The following MINDY2 variants were observed in gnomAD, a reference collection of about 807,000 sequenced individuals.
MINDY2 encodes MINDY lysine 48 deubiquitinase 2.
MINDY2 carries 52 observed loss-of-function variants against 68.2 expected under a neutral mutation model. That is an observed-to-expected ratio of 0.76 (90% confidence interval 0.61 to 0.96). The LOEUF is 0.96. MINDY2 is among the 40% of genes least tolerant of loss of function. The pLI is 0.00. For missense variants in MINDY2, 881 were observed against 773.4 expected, an observed-to-expected ratio of 1.14 and a Z score of -1.65; for synonymous variants, 372 against 303.0, an observed-to-expected ratio of 1.23 and a Z score of -2.36.
At chr15:58,814,210 G>A (rs1462286512) in intron 4 of MINDY2, among the ~76,000 whole-genome samples, 1 of 152,104 alleles carries the variant, frequency 6.6e-6, no homozygotes, top group Non-Finnish European at 1.5e-5. Flanking sequence ...AGAGTGCTGC[G>A]ATTACAGGCG....
chr15:58,787,140 C>CTT (rs58374538), intron 1 of MINDY2, among the ~76,000 whole-genome samples: 18,677 of 78,148 alleles, frequency 0.24, 3,565 homozygotes, highest in East Asian at 0.55. Flanking sequence ...CATTTCTTTA[C>CTT]TTTTTTTTTT....
chr15:58,772,347 C>G, intron 1 of MINDY2, 112 bp downstream of exon 1: 2 of 1,454,858 alleles, frequency 1.4e-6, no homozygotes, highest in Non-Finnish European at 1.8e-6. Flanking sequence ...TCATCAGTCC[C>G]CTTCTTACAT....
intron 1 of MINDY2, among the ~76,000 whole-genome samples, chr15:58,780,543 G>A (rs1213808181): frequency 6.6e-6 from 1 of 152,230 alleles, no homozygotes; most frequent in Non-Finnish European, 1.5e-5. Context: ...AATAAGTCTG[G>A]TGGACAGTAG....
intron 6 of MINDY2, among the ~76,000 whole-genome samples, chr15:58,845,495 G>A (rs1377803146): frequency 3.3e-5 from 5 of 152,166 alleles, no homozygotes; most frequent in African/African-American, 1.2e-4. Context: ...AAAACTATGA[G>A]ATATCATCTC....
chr15:58,806,274 A>G (rs1903002630), intron 3 of MINDY2, among the ~76,000 whole-genome samples: 1 of 150,726 alleles, frequency 6.6e-6, no homozygotes, highest in African/African-American at 2.4e-5. Flanking sequence ...GCATTTCACC[A>G]TGTTGGCCAT....
At chr15:58,819,508 A>G (rs1256609548) in intron 4 of MINDY2, among the ~76,000 whole-genome samples, 3 of 152,056 alleles carry the variant, frequency 2.0e-5, no homozygotes, top group Non-Finnish European at 4.4e-5. Context: ...AAAAATCTCA[A>G]AAATATTTTT....
intron 2 of MINDY2, among the ~76,000 whole-genome samples, chr15:58,798,488 T>C (rs1235805325): frequency 5.4e-5 from 8 of 148,676 alleles, no homozygotes. Flanking sequence ...AGAGTTTCAC[T>C]CTTGTCACCC....
intron 2 of MINDY2, 146 bp from the exon 3 acceptor site, chr15:58,802,167 T>A (rs1902706213): frequency 1.6e-6 from 1 of 607,280 alleles, no homozygotes. Context: ...TAACATTGAT[T>A]TTCTCTGGGT....
chr15:58,817,807 T>C (rs1287697056), intron 4 of MINDY2: 5 of 152,254 alleles, frequency 3.3e-5, no homozygotes, highest in African/African-American at 9.6e-5. Context: ...TTCCTTGTGA[T>C]GAGAGTGGAA....
chr15:58,771,938 C>T lies in MINDY2; in HGVS notation c.543C>T (p.Asn181=), dbSNP rs1900443153. 6.4e-7 allele frequency: 1 copy of T among 1,554,820 alleles called. No homozygotes were observed. Among genetic ancestry groups the T allele is most frequent in the Non-Finnish European group, 8.7e-7 (1 of 1,152,392 alleles). ...PSLDSLESFS[N]LHSFPSSCEF... is the part of the protein sequence containing the mutation. ...TGGACTCTCTGGAGTCGTTCTCTAA[C>T]CTGCATTCTTTTCCCAGTAGCTGCG... is the stretch of plus-strand genomic sequence containing the variant. Residue 181 remains asparagine (N), a synonymous_variant, in exon 1 of 9, where the codon AAC becomes AAT. Transcript: ENST00000559228.
At chr15:58,812,171 C>T (rs2030323593) in intron 4 of MINDY2, among the ~76,000 whole-genome samples, 1 of 152,168 alleles carries the variant, frequency 6.6e-6, no homozygotes, top group South Asian at 2.1e-4. Context: ...GGCGCAGTGG[C>T]TCACGCCTGT....
In MINDY2 at chr15:58,799,578, CAA is replaced by C. The variant is rs34347740; in HGVS notation, c.899-2720_899-2719del. On this transcript the variant is annotated intron_variant, in intron 2 of 8. Coordinates refer to ENST00000559228, the MANE Select transcript of MINDY2 (RefSeq NM_001040450.3). ...TGGGCGACAGAGCGAGACTCCATCT[CAA>C]AAAAAAAAAAAAAAGCAAACACTAG... Among the ~76,000 whole-genome samples the C allele has an allele frequency of 9.9e-4, 114 of 115,080 alleles. 1 individual carries two copies. The highest frequency in any genetic ancestry group is 2.4e-3 in the East Asian group (10 of 4,204). The allele number at this position is 115,080 out of a possible 152,430, so 75.5% of individuals were successfully genotyped here.
At chr15:58,807,429 C>T (rs1233014660) in intron 3 of MINDY2, among the ~76,000 whole-genome samples, 1 of 148,686 alleles carries the variant, frequency 6.7e-6, no homozygotes, top group Admixed American at 6.8e-5. Flanking sequence ...GATCTCCACT[C>T]ACTGCAAGCT....
At chr15:58,836,707 C>T (rs2032012060) in intron 6 of MINDY2, among the ~76,000 whole-genome samples, 1 of 152,102 alleles carries the variant, frequency 6.6e-6, no homozygotes, top group African/African-American at 2.4e-5. Context: ...CAACCTCTGC[C>T]TCCTGGGTTC....
chr15:58,841,140 T>C (rs1224288150), intron 6 of MINDY2, among the ~76,000 whole-genome samples: 1 of 150,812 alleles, frequency 6.6e-6, no homozygotes, highest in Non-Finnish European at 1.5e-5. Context: ...CACCACCATG[T>C]CCAGCTAATT....
At chr15:58,804,850 A>G (rs1902911162) in intron 3 of MINDY2, among the ~76,000 whole-genome samples, 1 of 151,952 alleles carries the variant, frequency 6.6e-6, no homozygotes, top group South Asian at 2.1e-4. Context: ...GTTTGCAGCC[A>G]GTTACAGTGG....
intron 1 of MINDY2, among the ~76,000 whole-genome samples, chr15:58,782,086 G>A (rs1438589950): frequency 1.3e-5 from 2 of 152,054 alleles, no homozygotes; most frequent in African/African-American, 4.8e-5. Context: ...ATTTGCTGGA[G>A]CCAGAATTAA....
In MINDY2 at chr15:58,771,512, T is replaced by C. The variant is rs768015371; in HGVS notation, c.117T>C (p.Asp39=). 6.2e-7 allele frequency: 1 copy of C among 1,612,160 alleles called. No homozygotes were observed. The highest frequency in any genetic ancestry group is 1.7e-5 in the Admixed American group (1 of 60,012). The part of the protein sequence containing the change: ...GLQETRLAAG[D]GPGVWAAETS... ...AGGAGACCAGGCTCGCCGCTGGTGA[T>C]GGTCCTGGGGTATGGGCGGCGGAGA... Residue 39 remains aspartate, a synonymous_variant, in exon 1 of 9, where the codon GAT becomes GAC. Transcript: ENST00000559228.
rs907822087 is a variant in MINDY2, at chr15:58,851,818, G to C, written c.1590G>C (p.Glu530Asp). The C allele has an allele frequency of 1.2e-6, 2 of 1,609,876 alleles. No individual in the cohort carries two copies. Among genetic ancestry groups the C allele is most frequent in the African/African-American group, 2.7e-5 (2 of 74,432 alleles). Residue 530 changes from glutamate to aspartate, a missense_variant, in exon 8 of 9, where the codon GAG (glutamate) becomes GAC (aspartate). Glu to Asp is a conservative substitution (Grantham distance 45, BLOSUM62 2). Coordinates refer to ENST00000559228, the MANE Select transcript of MINDY2 (RefSeq NM_001040450.3). ...TACAACAAGAACAGCAGAGCCAAGA[G>C]ATCAATTGGGAACAAATCCCGGAAG... is the stretch of plus-strand genomic sequence containing the variant. ...LSLQQEQQSQ[E>D]INWEQIPEGI...
Sources: allele counts gnomAD v4.1 joint callset (sites outside exome capture counted in the v4.1 genomes callset), GRCh38; gene constraint gnomAD v4.1.1; transcripts MANE v1.5; gene names NCBI Gene and HGNC (gene_info 2026-07-23, HGNC 2026-07-21).